The following PACSIN2 variants were observed in gnomAD, a reference collection of about 807,000 sequenced individuals.
PACSIN2 encodes the protein protein kinase C and casein kinase substrate in neurons protein 2.
In PACSIN2, 25 loss-of-function variants were observed where a neutral mutation model predicts 63.8. The observed-to-expected ratio is 0.39, with a 90% CI of 0.29 to 0.55. PACSIN2 has a LOEUF of 0.55. Ranked by LOEUF, PACSIN2 falls within the 20% of genes least tolerant of loss-of-function variation. The pLI is 0.62. For synonymous variants in PACSIN2, 255 were observed against 256.2 expected, an observed-to-expected ratio of 1.00 and a Z score of 0.05; for missense variants, 518 against 646.9, an observed-to-expected ratio of 0.80 and a Z score of 2.16.
intron 1 of PACSIN2, among the ~76,000 whole-genome samples, chr22:42,929,919 C>T (rs1483439626): frequency 6.6e-6 from 1 of 152,208 alleles, no homozygotes; most frequent in Non-Finnish European, 1.5e-5. Context: ...GGCCTGCCTG[C>T]CTGTGTTCCT....
intron 5 of PACSIN2, among the ~76,000 whole-genome samples, chr22:42,885,453 C>A (rs185406047): frequency 6.6e-6 from 1 of 152,096 alleles, no homozygotes; most frequent in South Asian, 2.1e-4. Flanking sequence ...GGGGTAGTCA[C>A]GGGCTCCACT....
chr22:42,942,536 T>C (rs1015249996), intron 1 of PACSIN2, among the ~76,000 whole-genome samples: 9 of 152,162 alleles, frequency 5.9e-5, no homozygotes, highest in African/African-American at 1.9e-4. Flanking sequence ...GCTTTACAGA[T>C]TTAGCTCTTA....
intron 1 of PACSIN2, among the ~76,000 whole-genome samples, chr22:42,930,708 G>C (rs755289267): frequency 2.0e-5 from 3 of 152,230 alleles, no homozygotes; most frequent in Admixed American, 6.5e-5. Context: ...CAGTGGGAAA[G>C]TTTAAGAATT....
intron 1 of PACSIN2, among the ~76,000 whole-genome samples, chr22:42,997,837 C>T (rs1046337562): frequency 2.6e-5 from 4 of 152,130 alleles, no homozygotes; most frequent in African/African-American, 9.7e-5. Context: ...GCTGAGATCA[C>T]ACCACTGCAC....
chr22:42,905,565 G>A (rs922404545), intron 2 of PACSIN2, among the ~76,000 whole-genome samples: 3 of 152,212 alleles, frequency 2.0e-5, no homozygotes, highest in South Asian at 2.1e-4. Flanking sequence ...CCTGACCTGC[G>A]ACGGTGCACC....
chr22:42,914,026 A>G (rs1931643553), intron 1 of PACSIN2, among the ~76,000 whole-genome samples: 2 of 152,260 alleles, frequency 1.3e-5, no homozygotes, highest in African/African-American at 2.4e-5. Context: ...CAAGTCCTCC[A>G]AAGACATTGC....
chr22:42,904,643 T>G (rs1021597230), intron 2 of PACSIN2, among the ~76,000 whole-genome samples: 1 of 152,184 alleles, frequency 6.6e-6, no homozygotes, highest in Non-Finnish European at 1.5e-5. Flanking sequence ...TGGGAAAAGC[T>G]GGAGGATCAA....
chr22:42,933,896 T>C (rs2146782005), intron 1 of PACSIN2, among the ~76,000 whole-genome samples: 1 of 152,230 alleles, frequency 6.6e-6, no homozygotes, highest in Middle Eastern at 3.4e-3. Context: ...GACGAGGAAA[T>C]ATTATGGCGC....
chr22:42,943,114 TTCA>T lies in PACSIN2; in HGVS notation c.-77-30960_-77-30958del, dbSNP rs138633590. 3.1e-3 allele frequency among the ~76,000 whole-genome samples: 469 copies of T among 152,358 alleles called. 3 individuals carry two copies. The highest frequency in any genetic ancestry group is 0.011 in the African/African-American group (462 of 41,584). The stretch of plus-strand genomic sequence containing the variant: ...TCAGAATATAAGTCTTACACTTCTC[TTCA>T]TAAATTTACTCCTATTTTATTCTTT... On this transcript the variant is annotated intron_variant, in intron 1 of 10. Coordinates refer to ENST00000263246, the MANE Select transcript of PACSIN2 (RefSeq NM_001184970.3).
intron 1 of PACSIN2, among the ~76,000 whole-genome samples, chr22:43,010,166 C>A (rs1264009796): frequency 6.6e-6 from 1 of 151,628 alleles, no homozygotes; most frequent in Admixed American, 6.6e-5. Flanking sequence ...CAGCGCCCAG[C>A]CCCATTTTAT....
Position 42,884,244 on chromosome 22 carries a change from A to G in PACSIN2, c.785+142T>C, listed in dbSNP as rs887816453. The stretch of plus-strand genomic sequence containing the variant: ...GCCCTCCCTGCCATCCAGATTACAA[A>G]GAAGCAGGAGGCCCTGAGGGCGGTG... On this transcript the variant is annotated intron_variant, in intron 6 of 10. Transcript: ENST00000263246. The G allele has an allele frequency of 1.0e-5, 7 of 696,822 alleles. No homozygotes were observed. In the South Asian group the frequency reaches 1.3e-4, roughly 13 times the overall value. The allele number at this position is 696,822 out of a possible 1,614,324, so 43.2% of individuals were successfully genotyped here.
chr22:42,921,443 G>C (rs2146748055), intron 1 of PACSIN2, among the ~76,000 whole-genome samples: 1 of 152,032 alleles, frequency 6.6e-6, no homozygotes, highest in South Asian at 2.1e-4. Context: ...AACCCACCTG[G>C]GGCATTGCCC....
intron 4 of PACSIN2, 123 bp from the exon 5 acceptor site, chr22:42,888,921 G>A: frequency 6.7e-6 from 6 of 889,804 alleles, no homozygotes; most frequent in South Asian, 1.5e-5. Context: ...GTACAAAATT[G>A]TATGTATACT....
At chr22:42,891,485 CTG>C (rs1360422307) in intron 3 of PACSIN2, among the ~76,000 whole-genome samples, 1 of 152,162 alleles carries the variant, frequency 6.6e-6, no homozygotes, top group Non-Finnish European at 1.5e-5. Context: ...ACTGCAAACT[CTG>C]TCTCCCAGGT....
chr22:42,897,406 T>G (rs1930367476), intron 2 of PACSIN2, among the ~76,000 whole-genome samples: 1 of 152,240 alleles, frequency 6.6e-6, no homozygotes, highest in Non-Finnish European at 1.5e-5. Flanking sequence ...AAAACCTCTC[T>G]TCTACTTCTT....
At chr22:42,901,176 G>A (rs959605677) in intron 2 of PACSIN2, among the ~76,000 whole-genome samples, 3 of 152,184 alleles carry the variant, frequency 2.0e-5, no homozygotes, top group Non-Finnish European at 4.4e-5. Flanking sequence ...ACCCTGGAGA[G>A]GAAGGGTCAA....
At chr22:42,998,907 C>T (rs959067033) in intron 1 of PACSIN2, among the ~76,000 whole-genome samples, 3 of 152,118 alleles carry the variant, frequency 2.0e-5, no homozygotes, top group South Asian at 2.1e-4. Context: ...AAGAGGAGAT[C>T]GGCTGCAGAA....
chr22:42,924,999 G>C (rs1020571507), intron 1 of PACSIN2, among the ~76,000 whole-genome samples: 2 of 151,164 alleles, frequency 1.3e-5, no homozygotes, highest in Non-Finnish European at 3.0e-5. Flanking sequence ...CCTCGTGATC[G>C]GCCCAAAGTG....
intron 1 of PACSIN2, among the ~76,000 whole-genome samples, chr22:42,938,956 T>C (rs1933028968): frequency 6.6e-6 from 1 of 152,154 alleles, no homozygotes; most frequent in South Asian, 2.1e-4. Flanking sequence ...CCCAACATCT[T>C]TATAGGTCAA....
Sources: gnomAD v4.1 joint callset for allele counts (sites outside exome capture counted in the v4.1 genomes callset) on GRCh38, gnomAD v4.1.1 for gene constraint, MANE v1.5 for transcripts, NCBI Gene and HGNC (gene_info 2026-07-23, HGNC 2026-07-21) for gene names.